The following MCTP1 variants were observed in gnomAD, a reference collection of about 807,000 sequenced individuals.
MCTP1 encodes multiple C2 and transmembrane domain-containing protein 1.
Under a neutral mutation model 120.6 loss-of-function variants are expected in MCTP1, and 69 were observed. The observed-to-expected ratio is 0.57, with a 90% CI of 0.47 to 0.70. MCTP1 has a LOEUF of 0.70. Among genes scored for constraint, MCTP1 ranks in the 30% least tolerant of loss-of-function variants. The pLI is 0.00. For missense variants in MCTP1, 1,203 were observed against 1,248.8 expected, an observed-to-expected ratio of 0.96 and a Z score of 0.55; for synonymous variants, 529 against 493.1, an observed-to-expected ratio of 1.07 and a Z score of -0.96.
intron 2 of MCTP1, among the ~76,000 whole-genome samples, chr5:94,991,046 T>A (rs955414952): frequency 6.6e-6 from 1 of 152,194 alleles, no homozygotes; most frequent in African/African-American, 2.4e-5. Context: ...ATCAGAAGCA[T>A]AGGAGAAAAA....
At chr5:94,817,583 A>G (rs1396198976) in intron 17 of MCTP1, among the ~76,000 whole-genome samples, 1 of 151,982 alleles carries the variant, frequency 6.6e-6, no homozygotes, top group Non-Finnish European at 1.5e-5. Flanking sequence ...TTTCTGAGGG[A>G]TTTTTCCTAT....
intron 1 of MCTP1, among the ~76,000 whole-genome samples, chr5:95,246,012 G>T (rs2152688566): frequency 1.3e-5 from 2 of 151,440 alleles, no homozygotes; most frequent in Middle Eastern, 6.8e-3. Flanking sequence ...CAGAAGAGTG[G>T]GAGCCAATAT....
chr5:94,886,793 A>G (rs2153380446), intron 12 of MCTP1, among the ~76,000 whole-genome samples: 1 of 152,334 alleles, frequency 6.6e-6, no homozygotes, highest in Non-Finnish European at 1.5e-5. Flanking sequence ...TTGAACAAGT[A>G]AAAGAGAAAG....
At chr5:94,752,108 A>ATATATATAT (rs1768523763) in intron 19 of MCTP1, among the ~76,000 whole-genome samples, 6 of 75,800 alleles carry the variant, frequency 7.9e-5, no homozygotes. Context: ...TAAATAATAA[A>ATATATATAT]ATATATATAT....
intron 19 of MCTP1, among the ~76,000 whole-genome samples, chr5:94,767,196 A>G (rs1772972012): frequency 6.6e-6 from 1 of 152,238 alleles, no homozygotes; most frequent in African/African-American, 2.4e-5. Context: ...ACACAGAACA[A>G]GCATTTGGTA....
chr5:95,144,945 G>C (rs546473060), intron 1 of MCTP1, among the ~76,000 whole-genome samples: 1 of 152,238 alleles, frequency 6.6e-6, no homozygotes, highest in East Asian at 1.9e-4. Context: ...AAATGACGTT[G>C]ATATTTTGAT....
chr5:95,146,527 A>G (rs559427249), intron 1 of MCTP1, among the ~76,000 whole-genome samples: 2 of 152,186 alleles, frequency 1.3e-5, no homozygotes, highest in Non-Finnish European at 2.9e-5. Flanking sequence ...TTAGCACTAT[A>G]AACTTTCCTC....
At chr5:94,828,789 C>T (rs1436565210) in intron 17 of MCTP1, among the ~76,000 whole-genome samples, 2 of 152,138 alleles carry the variant, frequency 1.3e-5, no homozygotes, top group Admixed American at 1.3e-4. Flanking sequence ...GGCGGGTGTC[C>T]CTCCCCATCA....
chr5:95,168,384 T>G (rs1562201136), intron 1 of MCTP1, among the ~76,000 whole-genome samples: 1 of 152,210 alleles, frequency 6.6e-6, no homozygotes, highest in Non-Finnish European at 1.5e-5. Flanking sequence ...TGTGGGCTCT[T>G]TTTTGGTTCC....
intron 1 of MCTP1, among the ~76,000 whole-genome samples, chr5:95,224,659 C>T (rs141866403): frequency 5.3e-4 from 81 of 152,210 alleles, no homozygotes; most frequent in Middle Eastern, 3.4e-3. Flanking sequence ...AGGAATGCAC[C>T]ACCACATTCA....
At chr5:94,913,410 A>G (rs1380083498) in intron 8 of MCTP1, among the ~76,000 whole-genome samples, 4 of 152,200 alleles carry the variant, frequency 2.6e-5, no homozygotes, top group African/African-American at 7.2e-5. Flanking sequence ...TATATTTTAC[A>G]GGTGGTTTTT....
chr5:95,184,998 G>A (rs1353450205), intron 1 of MCTP1, among the ~76,000 whole-genome samples: 1 of 152,186 alleles, frequency 6.6e-6, no homozygotes, highest in Non-Finnish European at 1.5e-5. Flanking sequence ...CAGGGAGACT[G>A]ATTTGAGTAA....
rs188394567 is a variant in MCTP1, at chr5:94,805,692, G to T, written c.2437-6560C>A. ...TATATCATATCATATTGCACAGAGA[G>T]AACTTTAAGGAAAAAGTCCTGAGAG... On this transcript the variant is annotated intron_variant, in intron 17 of 22. Coordinates refer to ENST00000515393, the MANE Select transcript of MCTP1 (RefSeq NM_024717.7). 3.3e-5 allele frequency among the ~76,000 whole-genome samples: 5 copies of T among 151,706 alleles called. No homozygotes were observed. The East Asian group carries it at 9.7e-4, about 29-fold the overall frequency.
intron 1 of MCTP1, among the ~76,000 whole-genome samples, chr5:95,263,206 T>G (rs1171862712): frequency 6.6e-6 from 1 of 152,184 alleles, no homozygotes; most frequent in Admixed American, 6.5e-5. Flanking sequence ...GACCTCCTAA[T>G]GTACTTCTAG....
chr5:95,269,300 C>G (rs532470209), intron 1 of MCTP1, among the ~76,000 whole-genome samples: 1 of 152,300 alleles, frequency 6.6e-6, no homozygotes, highest in Non-Finnish European at 1.5e-5. Context: ...CTTTACAAAA[C>G]AACTAGATGT....
chr5:95,252,056 GA>G (rs2152700784), intron 1 of MCTP1, among the ~76,000 whole-genome samples: 1 of 152,140 alleles, frequency 6.6e-6, no homozygotes, highest in African/African-American at 2.4e-5. Flanking sequence ...AAGACAGAAA[GA>G]AATCGTACCC....
chr5:95,147,596 A>T (rs1290798646), intron 1 of MCTP1, among the ~76,000 whole-genome samples: 1 of 152,210 alleles, frequency 6.6e-6, no homozygotes, highest in Non-Finnish European at 1.5e-5. Context: ...GGGTGTCACT[A>T]CATGCAAGAT....
chr5:95,011,208 A>G (rs1025779233), intron 2 of MCTP1, among the ~76,000 whole-genome samples: 1 of 152,166 alleles, frequency 6.6e-6, no homozygotes, highest in Non-Finnish European at 1.5e-5. Context: ...TCATAACTGT[A>G]CACATATAAT....
chr5:94,902,271 C>T (rs992783739), intron 10 of MCTP1, among the ~76,000 whole-genome samples: 8 of 152,260 alleles, frequency 5.3e-5, no homozygotes, highest in Admixed American at 1.3e-4. Context: ...TACTTGAGCT[C>T]TATGTCAGCC....
Sources: allele counts gnomAD v4.1 joint callset (sites outside exome capture counted in the v4.1 genomes callset), GRCh38; gene constraint gnomAD v4.1.1; transcripts MANE v1.5; gene names NCBI Gene and HGNC (gene_info 2026-07-23, HGNC 2026-07-21).